ADRA1A: variants seen among roughly 807,000 people sequenced by gnomAD.
ADRA1A encodes the protein adrenoceptor alpha 1A, also known as alpha-1A adrenergic receptor.
A neutral mutation model predicts 29.6 loss-of-function variants in ADRA1A; 31 were observed. That is an observed-to-expected ratio of 1.05 (90% CI 0.79 to 1.41). ADRA1A has a LOEUF of 1.41. Among genes scored for constraint, ADRA1A ranks in the 40% most tolerant of loss-of-function variants. ADRA1A has a pLI of 0.00. For missense variants in ADRA1A, 619 were observed against 601.1 expected, an observed-to-expected ratio of 1.03 and a Z score of -0.31; for synonymous variants, 311 against 254.3, an observed-to-expected ratio of 1.22 and a Z score of -2.12.
At chr8:26,756,897 A>G in intron 2 of ADRA1A, 11 of 1,452,526 alleles carry the variant, frequency 7.6e-6, no homozygotes, top group Non-Finnish European at 1.0e-5. Flanking sequence ...CTTACTCCAA[A>G]CCCAATGTGT....
intron 2 of ADRA1A, among the ~76,000 whole-genome samples, chr8:26,800,814 T>C (rs1433114455): frequency 6.6e-6 from 1 of 151,950 alleles, no homozygotes; most frequent in African/African-American, 2.4e-5. Context: ...AAAAGAGACA[T>C]AAAAAACCCC....
At position 26,860,567 on chromosome 8, in the gene ADRA1A, C is replaced by T. The variant is rs781167081; in HGVS notation, c.883+3520G>A. Among the ~76,000 whole-genome samples, 1 of 152,214 alleles carries T rather than the reference C, an allele frequency of 6.6e-6. No individual in the cohort carries two copies. Among genetic ancestry groups the T allele is most frequent in the South Asian group, 2.1e-4 (1 of 4,834 alleles). On this transcript the variant is annotated intron_variant, in intron 2 of 2. Coordinates refer to ENST00000380573, the MANE Select transcript of ADRA1A (RefSeq NM_000680.4). This position sits in a 1 kb window ranked among gnomAD's most constrained non-coding sequence, Gnocchi z 4.7. Reference sequence around the variant, plus strand: ...CTTCCATAAAATGTTTACTGTCCCACTCTCAAAGATGAATCTTTCACACCT... The same window carrying T: ...CTTCCATAAAATGTTTACTGTCCCATTCTCAAAGATGAATCTTTCACACCT...
intron 2 of ADRA1A, among the ~76,000 whole-genome samples, chr8:26,790,909 AAATT>A (rs1241736755): frequency 1.3e-5 from 2 of 152,208 alleles, no homozygotes; most frequent in Non-Finnish European, 2.9e-5. Flanking sequence ...TTAAGATACA[AAATT>A]AATATATGCT....
intron 2 of ADRA1A, among the ~76,000 whole-genome samples, chr8:26,816,537 G>A (rs1013394434): frequency 3.8e-4 from 45 of 119,804 alleles, no homozygotes; most frequent in African/African-American, 1.6e-3. Context: ...TGGTGTATGT[G>A]TGTGTGTGTG....
intron 2 of ADRA1A, among the ~76,000 whole-genome samples, chr8:26,826,497 T>C (rs570845283): frequency 1.3e-5 from 2 of 152,376 alleles, no homozygotes; most frequent in African/African-American, 4.8e-5. Context: ...CTACATTGTA[T>C]ATAAATATAT....
At chr8:26,804,133 G>C (rs1343249266) in intron 2 of ADRA1A, among the ~76,000 whole-genome samples, 1 of 151,894 alleles carries the variant, frequency 6.6e-6, no homozygotes, top group Non-Finnish European at 1.5e-5. Context: ...TGTTGTCCAG[G>C]CTGGTCTCAA....
Position 26,867,164 on chromosome 8 carries a change from G to C in ADRA1A, c.-915C>G, listed in dbSNP as rs1174886194. On this transcript the variant is annotated 5_prime_UTR_variant, in exon 1 of 3. Transcript: ENST00000380573. ...CATTTTTTAAAAAGAGTCAAAATAA[G>C]AAAAGAAAAAAAAATGCAGATAACC... 1 of 984,770 alleles carries C rather than the reference G, an allele frequency of 1.0e-6. No individual in the cohort carries two copies. The highest frequency in any genetic ancestry group is 1.2e-6 in the Non-Finnish European group (1 of 829,768). 61.0% of individuals were successfully genotyped at this position (984,770 alleles called of 1,614,324 possible).
rs181911774 is a variant in ADRA1A, at chr8:26,749,422, G to A, written c.1270-674C>T. Among the ~76,000 whole-genome samples the A allele has an allele frequency of 2.7e-3, 418 of 152,282 alleles. 8 individuals are homozygous for A. The highest frequency in any genetic ancestry group is 0.023 in the Admixed American group (356 of 15,296). ...TAGAGCATTTCTGGAAGATGTTCTA[G>A]CATGTTAGCTTCATAGAGTAAGCCT... On this transcript the variant is annotated intron_variant, in intron 2 of 2. Transcript: ENST00000380586.
In ADRA1A at chr8:26,864,340, C is replaced by T. The variant is rs757995236; in HGVS notation, c.630G>A (p.Val210=). 1.2e-6 allele frequency: 2 copies of T among 1,614,092 alleles called. No homozygotes were observed. The highest frequency in any genetic ancestry group is 1.7e-6 in the Non-Finnish European group (2 of 1,180,012). ...ILVMYCRVYV[V]AKRESRGLKS... Reference sequence around the variant, plus strand: ...TGAGGCCCCGGCTCTCCCTCTTGGCCACCACGTAGACGCGGCAGTACATGA... The same window carrying T: ...TGAGGCCCCGGCTCTCCCTCTTGGCTACCACGTAGACGCGGCAGTACATGA... The change falls in exon 2 of 3, where the codon GTG becomes GTA. Residue 210 remains valine, a synonymous_variant. Transcript: ENST00000380573. The surrounding 1 kb of genome is among the most constrained non-coding windows in gnomAD (Gnocchi z 8.1).
chr8:26,820,731 T>C (rs921608818), intron 2 of ADRA1A, among the ~76,000 whole-genome samples: 3 of 152,256 alleles, frequency 2.0e-5, no homozygotes, highest in African/African-American at 7.2e-5. Context: ...ACTGAGATTC[T>C]GGGAAAATGC....
intron 2 of ADRA1A, among the ~76,000 whole-genome samples, chr8:26,820,169 G>A (rs1221051914): frequency 6.6e-6 from 1 of 152,172 alleles, no homozygotes; most frequent in Non-Finnish European, 1.5e-5. Flanking sequence ...GTACCCCACT[G>A]TCAAGAATGG....
At chr8:26,765,425 G>A (rs561057113), downstream of ADRA1A, among the ~76,000 whole-genome samples, 1 of 152,340 alleles carries the variant, frequency 6.6e-6, no homozygotes, top group African/African-American at 2.4e-5. Context: ...AGGGCCAGGA[G>A]GCCACAGCTG....
exon 3 of ADRA1A, chr8:26,756,541 T>G: frequency 1.9e-6 from 3 of 1,542,016 alleles, no homozygotes; most frequent in Admixed American, 2.0e-5. Context: ...TCATGATCAT[T>G]CCTTAAGTTA....
In ADRA1A at chr8:26,860,004, GTGATCCGCCTGC is replaced by G. The variant is rs1813336063; in HGVS notation, c.883+4071_883+4082del. On this transcript the variant is annotated intron_variant, in intron 2 of 2. Coordinates refer to ENST00000380573, the MANE Select transcript of ADRA1A (RefSeq NM_000680.4). This position sits in a 1 kb window ranked among gnomAD's most constrained non-coding sequence, Gnocchi z 4.7. ...GCTGGTCTCGAACTCCTGACCTCAA[GTGATCCGCCTGC>G]TCAGCCTCCCAAAGTGCTGGGATTA... Among the ~76,000 whole-genome samples the G allele has an allele frequency of 6.6e-6, 1 of 152,020 alleles. No homozygotes were observed. The highest frequency in any genetic ancestry group is 1.5e-5 in the Non-Finnish European group (1 of 68,004).
chr8:26,799,507 G>T (rs943203839), intron 2 of ADRA1A, among the ~76,000 whole-genome samples: 11 of 152,206 alleles, frequency 7.2e-5, no homozygotes, highest in African/African-American at 2.7e-4. Context: ...TATACCCAGT[G>T]CCAGCACAGG....
chr8:26,770,574 A>T lies in ADRA1A; in HGVS notation c.976T>A (p.Tyr326Asn), dbSNP rs1326198666. 1.2e-6 allele frequency: 2 copies of T among 1,614,098 alleles called. No individual in the cohort carries two copies. The highest frequency in any genetic ancestry group is 2.7e-5 in the African/African-American group (2 of 74,940). The stretch of plus-strand genomic sequence containing the variant: ...TTGAACTCTTGGCTGGAGCATGGGT[A>T]TATGATGGGGTTGATGCAGCTGTTT... Reference protein sequence around the residue: ...YLNSCINPIIYPCSSQEFKKA... With the variant: ...YLNSCINPIINPCSSQEFKKA... Residue 326 changes from tyrosine to asparagine, a missense_variant, in exon 3 of 3, where the codon TAC becomes AAC. By Grantham distance (143) the Tyr-to-Asn change is moderately radical. Transcript: ENST00000380573.
intron 2 of ADRA1A, among the ~76,000 whole-genome samples, chr8:26,861,848 C>T (rs1813495712): frequency 6.6e-6 from 1 of 152,096 alleles, no homozygotes; most frequent in South Asian, 2.1e-4. Context: ...CACGTCTTAC[C>T]ACCTCTACCT....
At chr8:26,844,739 A>G (rs572558033) in intron 2 of ADRA1A, among the ~76,000 whole-genome samples, 27 of 152,298 alleles carry the variant, frequency 1.8e-4, no homozygotes, top group African/African-American at 6.5e-4. Flanking sequence ...CTCAAAATGG[A>G]TCAAGGACCT....
intron 2 of ADRA1A, among the ~76,000 whole-genome samples, chr8:26,862,215 G>T (rs922253488): frequency 6.6e-6 from 1 of 152,066 alleles, no homozygotes; most frequent in African/African-American, 2.4e-5. Context: ...TCCCATCTCT[G>T]TACTCGCTGC....
Sources: gnomAD v4.1 joint callset for allele counts (sites outside exome capture counted in the v4.1 genomes callset) on GRCh38, gnomAD v4.1.1 for gene constraint, Gnocchi (gnomAD v3.1) non-coding constraint, MANE v1.5 for transcripts, NCBI Gene and HGNC (gene_info 2026-07-23, HGNC 2026-07-21) for gene names.